Variants in CCDC146 observed in about 807,000 individuals in gnomAD.
CCDC146 encodes the protein coiled-coil domain-containing protein 146.
A neutral mutation model predicts 119.3 loss-of-function variants in CCDC146; 92 were observed. The ratio of observed to expected loss-of-function variants is 0.77; its 90% confidence interval spans 0.65 to 0.92. The LOEUF (loss-of-function observed/expected upper bound fraction) is 0.92. Among genes scored for constraint, CCDC146 ranks in the 40% least tolerant of loss-of-function variants. The probability of loss-of-function intolerance (pLI) is 0.00; values close to 1 mark genes in which losing one functional copy is unlikely to be tolerated. For missense variants in CCDC146, 1,000 were observed against 1,103.0 expected (o/e 0.91, Z 1.32); for synonymous variants, 372 against 371.8 (o/e 1.00, Z -0.01).
intron 17 of CCDC146, 119 bp downstream of exon 17, chr7:77,287,696 G>A (rs1297929841): frequency 1.0e-5 from 11 of 1,084,400 alleles, no homozygotes; most frequent in Non-Finnish European, 1.4e-5. Context: ...ATGACTAGGG[G>A]AACTTAGAAA....
At chr7:77,285,816 A>G (rs1487438417) in intron 15 of CCDC146, among the ~76,000 whole-genome samples, 1 of 152,258 alleles carries the variant, frequency 6.6e-6, no homozygotes, top group Non-Finnish European at 1.5e-5. Flanking sequence ...GATACATATG[A>G]CACTATATTA....
chr7:77,178,824 G>A (rs1178958855), intron 2 of CCDC146, among the ~76,000 whole-genome samples: 13 of 152,174 alleles, frequency 8.5e-5, no homozygotes, highest in African/African-American at 2.7e-4. Flanking sequence ...TGGCTCTTAG[G>A]TGAATGTGCA....
In CCDC146 at chr7:77,285,030, C is replaced by A. The variant is rs79503408; in HGVS notation, c.2149-1768C>A. 2.9e-3 allele frequency among the ~76,000 whole-genome samples: 445 copies of A among 151,648 alleles called. 1 individual carries two copies. The highest frequency in any genetic ancestry group is 0.01 in the African/African-American group (424 of 41,310). ...CCTTTTTTGCATCATTTTCAGAATT[C>A]TCTTAAGGTTTGCATTTTTTTCGGT... On this transcript the variant is annotated intron_variant, in intron 15 of 18. Coordinates refer to ENST00000285871, the MANE Select transcript of CCDC146 (RefSeq NM_020879.3).
chr7:77,178,220 T>C (rs559820041), intron 2 of CCDC146, among the ~76,000 whole-genome samples: 23 of 152,306 alleles, frequency 1.5e-4, no homozygotes, highest in South Asian at 4.2e-4. Flanking sequence ...AACATGGAGA[T>C]TGATTTTGGC....
chr7:77,229,158 CT>C (rs1357546246), intron 2 of CCDC146, among the ~76,000 whole-genome samples: 4 of 152,148 alleles, frequency 2.6e-5, no homozygotes, highest in Non-Finnish European at 5.9e-5. Context: ...CCTTTGCTCA[CT>C]TTTTAGTAGG....
chr7:77,192,081 C>T (rs914025326), intron 2 of CCDC146, among the ~76,000 whole-genome samples: 1 of 151,810 alleles, frequency 6.6e-6, no homozygotes, highest in African/African-American at 2.4e-5. Context: ...TGTGAGCCAC[C>T]ACACCTGGCT....
At chr7:77,132,066 T>C (rs922914359) in intron 1 of CCDC146, among the ~76,000 whole-genome samples, 8 of 152,102 alleles carry the variant, frequency 5.3e-5, no homozygotes, top group Non-Finnish European at 1.0e-4. Flanking sequence ...AATTTAAAAG[T>C]GAATTTCAAA....
intron 17 of CCDC146, among the ~76,000 whole-genome samples, chr7:77,292,576 T>C (rs1313780228): frequency 3.5e-5 from 5 of 141,468 alleles, no homozygotes; most frequent in Admixed American, 1.5e-4. Flanking sequence ...GAGATTGCGC[T>C]ACTGCACTCC....
chr7:77,225,087 GATA>G (rs1317502718), intron 2 of CCDC146, among the ~76,000 whole-genome samples: 9 of 152,186 alleles, frequency 5.9e-5, no homozygotes, highest in Non-Finnish European at 1.3e-4. Context: ...ATAGGTTGAA[GATA>G]ATGATAATGA....
At chr7:77,157,878 G>A (rs576545408) in intron 1 of CCDC146, among the ~76,000 whole-genome samples, 26 of 152,206 alleles carry the variant, frequency 1.7e-4, no homozygotes, top group African/African-American at 4.3e-4. Flanking sequence ...CAGTCTCTGC[G>A]TCCCCTAAGG....
chr7:77,271,482 T>C (rs1305615101), intron 9 of CCDC146, among the ~76,000 whole-genome samples: 1 of 138,856 alleles, frequency 7.2e-6, no homozygotes, highest in East Asian at 2.1e-4. Context: ...TTTTATTTTA[T>C]ATATATATAT....
rs1222516973 is a variant in CCDC146 at position 77,161,662 on chromosome 7, A to T, written c.-11-5996A>T. Among the ~76,000 whole-genome samples, 4 of 148,196 alleles carry T rather than the reference A, an allele frequency of 2.7e-5. No homozygotes were observed. In the East Asian group the frequency reaches 8.1e-4, roughly 30 times the overall value. On this transcript the variant is annotated intron_variant, in intron 1 of 18. Transcript: ENST00000285871. ...TGGGGTGGGGGGAGGGGGGAGGGAT[A>T]GCTTTAGGAGATATACCTAATGCTA...
At chr7:77,170,181 A>G (rs571184539) in intron 2 of CCDC146, among the ~76,000 whole-genome samples, 1 of 152,036 alleles carries the variant, frequency 6.6e-6, no homozygotes, top group Non-Finnish European at 1.5e-5. Context: ...GTTTTTGTCC[A>G]TGTGTGCTCA....
In CCDC146 at chr7:77,280,458, C is replaced by T. The variant is rs149903918; in HGVS notation, c.1724C>T (p.Ala575Val). 1.6e-4 allele frequency: 257 copies of T among 1,613,312 alleles called. No individual in the cohort carries two copies. The highest frequency in any genetic ancestry group is 2.1e-4 in the Non-Finnish European group (242 of 1,179,776). Residue 575 changes from alanine to valine, a missense_variant, in exon 14 of 19, where the codon GCC becomes GTC. Ala to Val is a moderately conservative substitution (Grantham distance 64, BLOSUM62 0). Around this residue, in one of 2 missense-constraint regions of CCDC146, gnomAD observed 985 missense variants for 1,045.3 expected, o/e 0.94. Transcript: ENST00000285871. ...CTACAAAATTCCATGCTGAAACACG[C>T]CAACAATGTTACCATCAGAGAGAGC... Reference protein sequence around the residue: ...RKLQNSMLKHANNVTIRESMQ... With the variant: ...RKLQNSMLKHVNNVTIRESMQ...
At chr7:77,131,479 A>C (rs1263094292) in intron 1 of CCDC146, among the ~76,000 whole-genome samples, 1 of 152,036 alleles carries the variant, frequency 6.6e-6, no homozygotes, top group Non-Finnish European at 1.5e-5. Context: ...GCACTTTGGG[A>C]GGCCGAGGTG....
chr7:77,262,898 G>A (rs532370526), intron 9 of CCDC146, among the ~76,000 whole-genome samples: 3 of 152,292 alleles, frequency 2.0e-5, no homozygotes, highest in African/African-American at 7.2e-5. Flanking sequence ...CTCTCAGAGG[G>A]CACTCCCTGT....
intron 1 of CCDC146, among the ~76,000 whole-genome samples, chr7:77,161,820 G>T (rs1791267047): frequency 6.6e-6 from 1 of 152,008 alleles, no homozygotes; most frequent in Non-Finnish European, 1.5e-5. Flanking sequence ...ACTATCTTTT[G>T]TTTTTTCAAT....
intron 1 of CCDC146, among the ~76,000 whole-genome samples, chr7:77,132,890 G>A (rs539933582): frequency 2.0e-5 from 3 of 151,856 alleles, no homozygotes; most frequent in Non-Finnish European, 4.4e-5. Context: ...GTGTTTGGTA[G>A]GCCGGGCACG....
intron 2 of CCDC146, chr7:77,195,534 T>A (rs1791851187): frequency 6.6e-6 from 1 of 152,124 alleles, no homozygotes; most frequent in Non-Finnish European, 1.5e-5. Context: ...ATAGATTAAG[T>A]TTGTCTCAGA....
Sources: allele counts gnomAD v4.1 joint callset (sites outside exome capture counted in the v4.1 genomes callset), GRCh38; gene constraint gnomAD v4.1.1; regional missense constraint gnomAD v4.1.1; transcripts MANE v1.5; gene names NCBI Gene and HGNC (gene_info 2026-07-23, HGNC 2026-07-21).